AUTS2: variants seen among roughly 807,000 people sequenced by gnomAD.
AUTS2 encodes activator of transcription and developmental regulator AUTS2, also known as autism susceptibility gene 2 protein.
A neutral mutation model predicts 112.4 loss-of-function variants in AUTS2; 17 were observed. The observed-to-expected ratio is 0.15, with a 90% CI of 0.10 to 0.23. The LOEUF is 0.23. Among genes scored for constraint, AUTS2 ranks in the 10% least tolerant of loss-of-function variants. The pLI, the probability that AUTS2 is intolerant of heterozygous loss-of-function variation, is 1.00. For synonymous variants in AUTS2, 751 were observed against 702.7 expected, an observed-to-expected ratio of 1.07 and a Z score of -1.09; for missense variants, 1,510 against 1,701.6, an observed-to-expected ratio of 0.89 and a Z score of 1.98.
chr7:70,104,693 C>A (rs1804677492), intron 2 of AUTS2, among the ~76,000 whole-genome samples: 2 of 152,138 alleles, frequency 1.3e-5, no homozygotes, highest in Non-Finnish European at 2.9e-5. Context: ...GAGGGATAAT[C>A]TGTAAAACTT....
rs1263615741 is a variant in AUTS2 at position 70,751,744 on chromosome 7, A to G, written c.743-11126A>G. On this transcript the variant is annotated intron_variant, in intron 6 of 18. Transcript: ENST00000342771. Reference sequence around the variant, plus strand: ...TGAGCATACACTAGTTTTTTGTGACAGAATCTCACTCTGTTGCCAAGGCTG... The same window carrying G: ...TGAGCATACACTAGTTTTTTGTGACGGAATCTCACTCTGTTGCCAAGGCTG... 2.0e-5 allele frequency among the ~76,000 whole-genome samples: 3 copies of G among 152,150 alleles called. No homozygotes were observed. The East Asian group carries it at 5.8e-4, about 29-fold the overall frequency.
chr7:70,372,200 C>T (rs888538631), intron 4 of AUTS2, among the ~76,000 whole-genome samples: 5 of 152,286 alleles, frequency 3.3e-5, no homozygotes, highest in African/African-American at 1.2e-4. Flanking sequence ...GTAGATAATG[C>T]AGAAATGTCA....
At chr7:70,707,606 C>G (rs1301963369) in intron 6 of AUTS2, among the ~76,000 whole-genome samples, 14 of 152,142 alleles carry the variant, frequency 9.2e-5, no homozygotes. Flanking sequence ...GCTTTTCCTC[C>G]CATACCTTCC....
intron 6 of AUTS2, among the ~76,000 whole-genome samples, chr7:70,746,917 T>A (rs1788489330): frequency 6.6e-6 from 1 of 152,210 alleles, no homozygotes; most frequent in Non-Finnish European, 1.5e-5. Context: ...ACCATTATTT[T>A]GTTTTAAATA....
intron 5 of AUTS2, among the ~76,000 whole-genome samples, chr7:70,519,060 A>T (rs1480685071): frequency 1.3e-5 from 2 of 150,952 alleles, no homozygotes; most frequent in Non-Finnish European, 3.0e-5. Context: ...TTTCTCCATT[A>T]AAAAAAAATC....
At chr7:70,327,377 G>A (rs994103039) in intron 4 of AUTS2, among the ~76,000 whole-genome samples, 2 of 152,144 alleles carry the variant, frequency 1.3e-5, no homozygotes, top group African/African-American at 2.4e-5. Context: ...TTCTCAAAAT[G>A]CCTATTTATC....
chr7:69,720,994 AAAG>A (rs1445953189), intron 1 of AUTS2, among the ~76,000 whole-genome samples: 7 of 152,202 alleles, frequency 4.6e-5, no homozygotes, highest in South Asian at 2.1e-4. Flanking sequence ...ACAGCAGCAA[AAAG>A]AAGAAGAGAC....
chr7:70,776,031 T>C (rs1790666067), intron 13 of AUTS2, among the ~76,000 whole-genome samples: 1 of 152,298 alleles, frequency 6.6e-6, no homozygotes, highest in East Asian at 1.9e-4. Flanking sequence ...ATCAGATAAT[T>C]TGATTTCTCC....
intron 2 of AUTS2, among the ~76,000 whole-genome samples, chr7:70,083,880 A>G (rs901506728): frequency 6.6e-6 from 1 of 152,150 alleles, no homozygotes; most frequent in African/African-American, 2.4e-5. Context: ...CCAAGAGGTC[A>G]AGACTGCAGT....
At chr7:70,325,613 T>C (rs1268518297) in intron 4 of AUTS2, among the ~76,000 whole-genome samples, 1 of 152,182 alleles carries the variant, frequency 6.6e-6, no homozygotes, top group East Asian at 1.9e-4. Context: ...TTTAGGGTGA[T>C]TGAGTTTAAA....
At chr7:69,671,137 G>T (rs889350911) in intron 1 of AUTS2, among the ~76,000 whole-genome samples, 21 of 152,202 alleles carry the variant, frequency 1.4e-4, no homozygotes, top group African/African-American at 4.6e-4. Flanking sequence ...TAACTAAGCA[G>T]TGTGGCTGCC....
rs1224095495 is a variant in AUTS2 at position 70,764,982 on chromosome 7, A to T, written c.1445A>T (p.His482Leu). ...TCAGGAAGTCTGCAGGTGGCCGGAC[A>T]CCCGGCCGGGAGCACTTACTCAGGT... ...LTSGSLQVAG[H>L]PAGSTYSEQD... Residue 482 changes from histidine to leucine, a missense_variant, in exon 8 of 19, where the codon CAC becomes CTC. Physicochemically the swap from His to Leu is moderately conservative, Grantham distance 99. This residue lies in a region of AUTS2 where 187 missense variants were observed against 309.7 expected (regional missense o/e 0.60). Transcript: ENST00000342771. 6.2e-7 allele frequency: 1 copy of T among 1,612,882 alleles called. No individual in the cohort carries two copies. The highest frequency in any genetic ancestry group is 2.2e-5 in the East Asian group (1 of 44,774).
At chr7:69,713,435 A>G (rs568741922) in intron 1 of AUTS2, among the ~76,000 whole-genome samples, 1 of 150,270 alleles carries the variant, frequency 6.7e-6, no homozygotes, top group African/African-American at 2.4e-5. Context: ...TCCCAGCCTC[A>G]GTAACTACTA....
chr7:70,764,509 A>T (rs1381824923), intron 7 of AUTS2, among the ~76,000 whole-genome samples: 1 of 152,026 alleles, frequency 6.6e-6, no homozygotes, highest in Non-Finnish European at 1.5e-5. Context: ...AGCTGTCTCG[A>T]CACCAAGATG....
At chr7:70,033,841 T>C (rs1044470664) in intron 2 of AUTS2, among the ~76,000 whole-genome samples, 1 of 151,996 alleles carries the variant, frequency 6.6e-6, no homozygotes, top group African/African-American at 2.4e-5. Context: ...TAGGGAGAAT[T>C]GGTAAGGGAT....
At chr7:70,161,889 A>G (rs1345206383) in intron 4 of AUTS2, among the ~76,000 whole-genome samples, 2 of 152,162 alleles carry the variant, frequency 1.3e-5, no homozygotes, top group Admixed American at 6.5e-5. Context: ...TTCCTGTCAA[A>G]GAAAAATACT....
At chr7:69,792,595 G>C (rs1789663080) in intron 1 of AUTS2, among the ~76,000 whole-genome samples, 2 of 152,058 alleles carry the variant, frequency 1.3e-5, no homozygotes, top group Admixed American at 6.6e-5. Context: ...TGATACAGAG[G>C]TATACTTTCT....
chr7:69,800,726 G>A (rs955776535), intron 1 of AUTS2, among the ~76,000 whole-genome samples: 2 of 152,124 alleles, frequency 1.3e-5, no homozygotes, highest in Non-Finnish European at 2.9e-5. Flanking sequence ...CAAGTACTAT[G>A]AGTCAGAAGG....
At chr7:69,893,006 C>T (rs1195063507) in intron 1 of AUTS2, among the ~76,000 whole-genome samples, 1 of 152,202 alleles carries the variant, frequency 6.6e-6, no homozygotes, top group Non-Finnish European at 1.5e-5. Context: ...CTACAGAGCA[C>T]CTGACTTGCT....
Sources: allele counts gnomAD v4.1 joint callset (sites outside exome capture counted in the v4.1 genomes callset), GRCh38; gene constraint gnomAD v4.1.1; regional missense constraint gnomAD v4.1.1; transcripts MANE v1.5; gene names NCBI Gene and HGNC (gene_info 2026-07-23, HGNC 2026-07-21).